Variants in LRP1B observed in about 807,000 individuals in gnomAD.
LRP1B encodes the protein low-density lipoprotein receptor-related protein 1B.
Under a neutral mutation model 556.6 loss-of-function variants are expected in LRP1B, and 217 were observed. That is an observed-to-expected ratio of 0.39 (90% CI 0.35 to 0.44). The LOEUF (loss-of-function observed/expected upper bound fraction) is 0.44, where lower values mean the gene tolerates loss of function less well. LRP1B is among the 20% of genes least tolerant of loss of function. The pLI, the probability that LRP1B is intolerant of heterozygous loss-of-function variation, is 1.00. For synonymous variants in LRP1B, 2,047 were observed against 1,865.8 expected (o/e 1.10, Z -2.50); for missense variants, 5,053 against 5,620.8 (o/e 0.90, Z 3.23).
chr2:140,491,669 C>T (rs765166709), intron 57 of LRP1B, among the ~76,000 whole-genome samples: 5 of 152,034 alleles, frequency 3.3e-5, no homozygotes, highest in East Asian at 1.9e-4. Context: ...GTTATATGTA[C>T]GTTTTATCCT....
chr2:140,601,037 A>T (rs1682646385), intron 42 of LRP1B, among the ~76,000 whole-genome samples: 1 of 149,980 alleles, frequency 6.7e-6, no homozygotes, highest in South Asian at 2.1e-4. Context: ...TTTCTTTTGT[A>T]TTGCAATTTG....
chr2:142,116,233 CCTCA>C (rs1707271398), intron 1 of LRP1B, among the ~76,000 whole-genome samples: 1 of 146,214 alleles, frequency 6.8e-6, no homozygotes, highest in African/African-American at 2.6e-5. Context: ...AAAGATATCA[CCTCA>C]CTCAATTGAT....
At chr2:140,996,225 G>A (rs1435486884) in intron 15 of LRP1B, among the ~76,000 whole-genome samples, 1 of 151,936 alleles carries the variant, frequency 6.6e-6, no homozygotes, top group Non-Finnish European at 1.5e-5. Context: ...ATCATTAATT[G>A]TAATAATTCT....
intron 1 of LRP1B, among the ~76,000 whole-genome samples, chr2:141,909,526 ATTTTTTTTTTTTT>A (rs377577096): frequency 2.2e-4 from 21 of 93,402 alleles, no homozygotes; most frequent in African/African-American, 7.5e-4. Context: ...GGTCTCAGAC[ATTTTTTTTTTTTT>A]TTTTTTTTTT....
intron 47 of LRP1B, 23 bp from the exon 48 acceptor site, chr2:140,526,373 A>G: frequency 7.5e-7 from 1 of 1,341,822 alleles, no homozygotes; most frequent in Non-Finnish European, 1.1e-6. Flanking sequence ...GTACATAAAC[A>G]AATGCAAAGA....
intron 7 of LRP1B, among the ~76,000 whole-genome samples, chr2:141,170,029 T>C (rs1558908080): frequency 6.6e-6 from 1 of 152,062 alleles, no homozygotes; most frequent in Non-Finnish European, 1.5e-5. Context: ...AATTGTGCTT[T>C]TGAAAATCTC....
At chr2:141,867,775 G>A (rs1298860880) in intron 1 of LRP1B, among the ~76,000 whole-genome samples, 1 of 151,972 alleles carries the variant, frequency 6.6e-6, no homozygotes, top group Non-Finnish European at 1.5e-5. Flanking sequence ...ATGTAACACG[G>A]TATATTGCCT....
intron 1 of LRP1B, among the ~76,000 whole-genome samples, chr2:141,826,789 AT>A: frequency 6.6e-6 from 1 of 152,334 alleles, no homozygotes; most frequent in East Asian, 1.9e-4. Context: ...AAAAGAATTT[AT>A]TTATAGAATG....
chr2:140,490,132 C>T (rs1688639221), intron 57 of LRP1B, among the ~76,000 whole-genome samples: 1 of 152,038 alleles, frequency 6.6e-6, no homozygotes, highest in Non-Finnish European at 1.5e-5. Flanking sequence ...ATCCTATTTG[C>T]TTCTTTCATT....
At chr2:141,393,860 T>C (rs753042330) in intron 3 of LRP1B, among the ~76,000 whole-genome samples, 1 of 152,190 alleles carries the variant, frequency 6.6e-6, no homozygotes, top group African/African-American at 2.4e-5. Flanking sequence ...TTATGTATTT[T>C]TGACGAATAT....
intron 66 of LRP1B, among the ~76,000 whole-genome samples, chr2:140,408,960 C>T (rs114894048): frequency 1.3e-5 from 2 of 152,026 alleles, no homozygotes; most frequent in African/African-American, 4.8e-5. Context: ...GGAGTAATCA[C>T]ATTAAGCAAG....
intron 11 of LRP1B, among the ~76,000 whole-genome samples, chr2:141,028,843 G>T (rs935767886): frequency 6.6e-6 from 1 of 152,106 alleles, no homozygotes; most frequent in Non-Finnish European, 1.5e-5. Flanking sequence ...GCAAAACAAA[G>T]AAAATCTCTT....
At position 140,286,582 on chromosome 2, in the gene LRP1B, C is replaced by G. The variant is rs150108075; in HGVS notation, c.12967+11226G>C. ...ACTAAACTTTTCAGCTTCCAGTGGT[C>G]ATAATCTAATCTGTGCATGGAAGTA... is the stretch of plus-strand genomic sequence containing the variant. On this transcript the variant is annotated intron_variant, in intron 84 of 90. Transcript: ENST00000389484. Among the ~76,000 whole-genome samples the G allele has an allele frequency of 1.5e-3, 221 of 151,936 alleles. 1 individual carries two copies. Among genetic ancestry groups the G allele is most frequent in the African/African-American group, 5.2e-3 (215 of 41,498 alleles).
At chr2:141,421,544 AAT>A (rs1680145555) in intron 3 of LRP1B, among the ~76,000 whole-genome samples, 1 of 146,966 alleles carries the variant, frequency 6.8e-6, no homozygotes, top group Admixed American at 7.0e-5. Context: ...AAAAAAAAAA[AAT>A]TTACCTCTTT....
At chr2:141,745,908 G>A (rs574421799) in intron 2 of LRP1B, among the ~76,000 whole-genome samples, 2 of 151,780 alleles carry the variant, frequency 1.3e-5, no homozygotes, top group Non-Finnish European at 2.9e-5. Context: ...GACGTATTCC[G>A]CAAGGACTGG....
At chr2:140,918,774 G>T (rs78409655) in intron 21 of LRP1B, among the ~76,000 whole-genome samples, 2 of 152,026 alleles carry the variant, frequency 1.3e-5, no homozygotes, top group Non-Finnish European at 2.9e-5. Context: ...CATATCATAA[G>T]AAGATTGCCA....
At chr2:141,959,954 C>A (rs1701355824) in intron 1 of LRP1B, among the ~76,000 whole-genome samples, 1 of 151,852 alleles carries the variant, frequency 6.6e-6, no homozygotes. Context: ...AAGTATTTAA[C>A]ACTGCATAAA....
intron 2 of LRP1B, among the ~76,000 whole-genome samples, chr2:141,775,123 A>T (rs1695020900): frequency 2.6e-5 from 4 of 152,234 alleles, no homozygotes; most frequent in Admixed American, 2.0e-4. Context: ...CCTGCAGAAG[A>T]TAAATGCAAA....
intron 1 of LRP1B, among the ~76,000 whole-genome samples, chr2:141,980,411 A>G (rs759845116): frequency 4.0e-4 from 61 of 152,162 alleles, no homozygotes; most frequent in Non-Finnish European, 7.2e-4. Context: ...ATGATATAAG[A>G]AAACCACAGA....
Sources: gnomAD v4.1 joint callset for allele counts (sites outside exome capture counted in the v4.1 genomes callset) on GRCh38, gnomAD v4.1.1 for gene constraint, MANE v1.5 for transcripts, NCBI Gene and HGNC (gene_info 2026-07-23, HGNC 2026-07-21) for gene names.